The following CDK19 variants were observed in gnomAD, a reference collection of about 807,000 sequenced individuals.
CDK19 encodes cyclin-dependent kinase 19.
A neutral mutation model predicts 68.3 loss-of-function variants in CDK19; 20 were observed. That is an observed-to-expected ratio of 0.29 (90% confidence interval 0.21 to 0.43). CDK19 has a LOEUF of 0.43. Ranked by LOEUF, CDK19 falls within the 20% of genes least tolerant of loss-of-function variation. The pLI, the probability that CDK19 is intolerant of heterozygous loss-of-function variation, is 1.00. For missense variants in CDK19, 339 were observed against 623.5 expected (o/e 0.54, Z 4.86); for synonymous variants, 221 against 222.8 (o/e 0.99, Z 0.07).
At chr6:110,804,631 C>T (rs1324006964) in intron 1 of CDK19, among the ~76,000 whole-genome samples, 1 of 148,550 alleles carries the variant, frequency 6.7e-6, no homozygotes, top group Non-Finnish European at 1.5e-5. Flanking sequence ...CAGGCGTGAG[C>T]CACCACACCC....
chr6:110,731,703 GC>G (rs1436209880), intron 2 of CDK19, among the ~76,000 whole-genome samples: 2 of 152,070 alleles, frequency 1.3e-5, no homozygotes. Flanking sequence ...TACATGACTG[GC>G]CATTAAAATT....
intron 2 of CDK19, among the ~76,000 whole-genome samples, chr6:110,671,938 C>T (rs2817768): frequency 0.012 from 1,876 of 152,126 alleles, 28 homozygotes; most frequent in African/African-American, 0.043. Context: ...CCACCATGCC[C>T]GGCTAATTTT....
intron 2 of CDK19, among the ~76,000 whole-genome samples, chr6:110,718,803 G>A (rs1235216403): frequency 2.6e-5 from 4 of 152,078 alleles, no homozygotes; most frequent in Non-Finnish European, 4.4e-5. Flanking sequence ...AGGAGTATAT[G>A]CAAAAAAGCA....
intron 4 of CDK19, among the ~76,000 whole-genome samples, chr6:110,645,042 CA>C (rs925680581): frequency 2.0e-5 from 3 of 152,116 alleles, no homozygotes; most frequent in Non-Finnish European, 4.4e-5. Flanking sequence ...CTCAATTATT[CA>C]TATGTCAAAC....
chr6:110,752,902 T>C (rs533697954), intron 1 of CDK19, among the ~76,000 whole-genome samples: 1 of 150,048 alleles, frequency 6.7e-6, no homozygotes, highest in Non-Finnish European at 1.5e-5. Flanking sequence ...ACTAGTTATC[T>C]CGGGTTTTTT....
intron 4 of CDK19, among the ~76,000 whole-genome samples, chr6:110,663,919 A>G (rs778719036): frequency 3.9e-5 from 6 of 152,216 alleles, no homozygotes; most frequent in Admixed American, 6.5e-5. Flanking sequence ...AACCAGTGCT[A>G]TACTACGTAA....
At chr6:110,724,050 T>C (rs1006260053) in intron 2 of CDK19, among the ~76,000 whole-genome samples, 15 of 150,982 alleles carry the variant, frequency 9.9e-5, no homozygotes, top group African/African-American at 3.6e-4. Context: ...AAGAAAGTAA[T>C]TTTAAAAACT....
intron 4 of CDK19, among the ~76,000 whole-genome samples, chr6:110,649,324 A>G (rs1780823591): frequency 6.6e-6 from 1 of 152,180 alleles, no homozygotes; most frequent in South Asian, 2.1e-4. Flanking sequence ...GGAAAAAATC[A>G]ATTAAATGAA....
At chr6:110,730,391 G>C (rs780098972) in intron 2 of CDK19, among the ~76,000 whole-genome samples, 9 of 152,152 alleles carry the variant, frequency 5.9e-5, no homozygotes, top group African/African-American at 9.7e-5. Flanking sequence ...AAAGGAATTA[G>C]AGCTGAATAT....
At chr6:110,656,409 T>C (rs1781311061) in intron 4 of CDK19, among the ~76,000 whole-genome samples, 1 of 152,260 alleles carries the variant, frequency 6.6e-6, no homozygotes, top group Non-Finnish European at 1.5e-5. Flanking sequence ...GTGTCATAAC[T>C]TTAGGTACAC....
intron 4 of CDK19, among the ~76,000 whole-genome samples, chr6:110,663,460 A>G (rs1367190380): frequency 6.6e-6 from 1 of 152,252 alleles, no homozygotes; most frequent in Non-Finnish European, 1.5e-5. Flanking sequence ...TATGGCACAG[A>G]TATCAGGACT....
chr6:110,806,751 A>C (rs1338847218), intron 1 of CDK19, among the ~76,000 whole-genome samples: 1 of 147,144 alleles, frequency 6.8e-6, no homozygotes, highest in Non-Finnish European at 1.5e-5. Flanking sequence ...GCTGAGGCAG[A>C]TGGATCACTT....
intron 1 of CDK19, among the ~76,000 whole-genome samples, chr6:110,770,419 C>A (rs1277710853): frequency 6.6e-6 from 1 of 152,140 alleles, no homozygotes; most frequent in Non-Finnish European, 1.5e-5. Context: ...AAAGCAGAAA[C>A]CCCTGATAAA....
At chr6:110,685,424 C>A (rs1772392782) in intron 2 of CDK19, among the ~76,000 whole-genome samples, 1 of 152,208 alleles carries the variant, frequency 6.6e-6, no homozygotes, top group East Asian at 1.9e-4. Flanking sequence ...ATGTTCCCAT[C>A]CATACTGAAT....
At chr6:110,755,341 C>A (rs1484829929) in intron 1 of CDK19, among the ~76,000 whole-genome samples, 6 of 151,972 alleles carry the variant, frequency 3.9e-5, no homozygotes, top group African/African-American at 1.4e-4. Flanking sequence ...TGCCTAGCCC[C>A]TTGTGAGTCT....
In CDK19 at chr6:110,740,608, T is replaced by C. The variant is rs537060179; in HGVS notation, c.204+5518A>G. Among the ~76,000 whole-genome samples, 8 of 152,314 alleles carry C rather than the reference T, an allele frequency of 5.3e-5. No homozygotes were observed. The East Asian group carries it at 7.7e-4, about 15-fold the overall frequency. On this transcript the variant is annotated intron_variant, in intron 2 of 12. Transcript: ENST00000368911. Reference sequence around the variant, plus strand: ...GTTTATTCCATGATTACAAGCTCTTTAACTTATTTTCCCAGCATCCCACTA... The same window carrying C: ...GTTTATTCCATGATTACAAGCTCTTCAACTTATTTTCCCAGCATCCCACTA...
At chr6:110,778,564 TA>T (rs1373746020) in intron 1 of CDK19, among the ~76,000 whole-genome samples, 1 of 152,258 alleles carries the variant, frequency 6.6e-6, no homozygotes, top group African/African-American at 2.4e-5. Context: ...CAGTCTTGTG[TA>T]AGCAATCACA....
intron 2 of CDK19, among the ~76,000 whole-genome samples, chr6:110,738,240 T>C (rs1777394854): frequency 6.6e-6 from 1 of 151,974 alleles, no homozygotes; most frequent in African/African-American, 2.4e-5. Flanking sequence ...CCAGGTGTGG[T>C]GGCTCATGTC....
chr6:110,670,608 A>G lies in CDK19; in HGVS notation c.205-67T>C, dbSNP rs9386935. On this transcript the variant is annotated intron_variant, in intron 2 of 12. Transcript: ENST00000368911. ...AGGAGGGGGAAATGATGAATGTCTT[A>G]TAACTTCAAAACGAAATTTCTGAAA... 26,546 of 936,832 alleles carry G rather than the reference A, an allele frequency of 0.028. 3,543 individuals carry two copies. In the East Asian group the frequency reaches 0.39, roughly 14 times the overall value. The allele number at this position is 936,832 out of a possible 1,614,324, so 58.0% of individuals were successfully genotyped here.
Sources: gnomAD v4.1 joint callset for allele counts (sites outside exome capture counted in the v4.1 genomes callset) on GRCh38, gnomAD v4.1.1 for gene constraint, MANE v1.5 for transcripts, NCBI Gene and HGNC (gene_info 2026-07-23, HGNC 2026-07-21) for gene names.